NSMCE2: variants seen among roughly 807,000 people sequenced by gnomAD.
NSMCE2 encodes E3 SUMO-protein ligase NSE2.
In NSMCE2, 24 loss-of-function variants were observed where a neutral mutation model predicts 23.8. That is an observed-to-expected ratio of 1.01 (90% CI 0.73 to 1.42). The LOEUF (loss-of-function observed/expected upper bound fraction) is 1.42, where lower values mean the gene tolerates loss of function less well. NSMCE2 is among the 40% of genes most tolerant of loss of function. NSMCE2 has a pLI of 0.00. For missense variants in NSMCE2, 284 were observed against 296.5 expected, an observed-to-expected ratio of 0.96 and a Z score of 0.31; for synonymous variants, 92 against 94.1, an observed-to-expected ratio of 0.98 and a Z score of 0.13.
intron 3 of NSMCE2, among the ~76,000 whole-genome samples, chr8:125,103,039 C>T (rs180736811): frequency 9.9e-5 from 15 of 152,044 alleles, no homozygotes; most frequent in East Asian, 3.9e-4. Context: ...AGGCCGAGGC[C>T]GGCAGATCAC....
intron 5 of NSMCE2, among the ~76,000 whole-genome samples, chr8:125,257,413 G>A (rs1826480618): frequency 6.6e-6 from 1 of 151,096 alleles, no homozygotes; most frequent in South Asian, 2.1e-4. Context: ...TCAGAGAGTT[G>A]AAAAAGGGGG....
intron 5 of NSMCE2, among the ~76,000 whole-genome samples, chr8:125,294,097 A>G (rs879416666): frequency 2.6e-5 from 4 of 152,128 alleles, no homozygotes; most frequent in Non-Finnish European, 5.9e-5. Context: ...ACTTGGCATA[A>G]TGTTTTCAAG....
chr8:125,228,833 G>A (rs780539969), intron 5 of NSMCE2, among the ~76,000 whole-genome samples: 1 of 152,092 alleles, frequency 6.6e-6, no homozygotes, highest in Admixed American at 6.6e-5. Flanking sequence ...TTGAATTCAC[G>A]TTACAATCCT....
At chr8:125,334,700 G>C (rs1830006535) in intron 5 of NSMCE2, among the ~76,000 whole-genome samples, 1 of 151,556 alleles carries the variant, frequency 6.6e-6, no homozygotes, top group African/African-American at 2.4e-5. Flanking sequence ...GAGCTCAGAG[G>C]ATGACTTTGG....
chr8:125,362,742 G>A (rs1813612066), intron 7 of NSMCE2, among the ~76,000 whole-genome samples: 1 of 152,176 alleles, frequency 6.6e-6, no homozygotes, highest in Admixed American at 6.6e-5. Flanking sequence ...CCTTGGGAGG[G>A]CTATTTGGTT....
At chr8:125,189,142 A>G (rs1417670791) in intron 5 of NSMCE2, among the ~76,000 whole-genome samples, 1 of 152,258 alleles carries the variant, frequency 6.6e-6, no homozygotes, top group Non-Finnish European at 1.5e-5. Flanking sequence ...TGTCACGAAG[A>G]AAAGTCAGCA....
intron 5 of NSMCE2, among the ~76,000 whole-genome samples, chr8:125,261,566 T>A (rs796679712): frequency 4.6e-5 from 7 of 152,262 alleles, no homozygotes; most frequent in African/African-American, 1.7e-4. Context: ...GTATCTTGAA[T>A]TCTGGAAATT....
At chr8:125,176,839 C>T (rs989080574) in intron 4 of NSMCE2, among the ~76,000 whole-genome samples, 4 of 152,208 alleles carry the variant, frequency 2.6e-5, no homozygotes, top group African/African-American at 9.6e-5. Flanking sequence ...AGCTGAGTAA[C>T]AGCTTTCCTC....
rs552820742 is a variant in NSMCE2, at chr8:125,098,087, A to C, written c.-110-3964A>C. Reference sequence around the variant, plus strand: ...TTCAAAGTGTAATTCTTGGATCAGCAAAATCTACATTACCTGGAAATTTGT... The same window carrying C: ...TTCAAAGTGTAATTCTTGGATCAGCCAAATCTACATTACCTGGAAATTTGT... On this transcript the variant is annotated intron_variant, in intron 1 of 7. Coordinates refer to ENST00000287437, the MANE Select transcript of NSMCE2 (RefSeq NM_173685.4). 2.0e-5 allele frequency among the ~76,000 whole-genome samples: 3 copies of C among 152,306 alleles called. No homozygotes were observed. In the East Asian group the frequency reaches 5.8e-4, roughly 29 times the overall value.
chr8:125,154,056 A>C (rs1821179717), intron 4 of NSMCE2, among the ~76,000 whole-genome samples: 1 of 152,164 alleles, frequency 6.6e-6, no homozygotes. Flanking sequence ...TTTAAAAGGC[A>C]ATTAATGGGA....
At chr8:125,333,915 T>A (rs1466205799) in intron 5 of NSMCE2, among the ~76,000 whole-genome samples, 1 of 151,868 alleles carries the variant, frequency 6.6e-6, no homozygotes, top group African/African-American at 2.4e-5. Flanking sequence ...CCAAGATCAG[T>A]GGCATGCTGA....
intron 5 of NSMCE2, among the ~76,000 whole-genome samples, chr8:125,253,919 T>A (rs998631573): frequency 6.6e-6 from 1 of 152,136 alleles, no homozygotes; most frequent in Non-Finnish European, 1.5e-5. Flanking sequence ...CCAAAAAAAA[T>A]TTTTTGGCAG....
intron 5 of NSMCE2, among the ~76,000 whole-genome samples, chr8:125,224,565 TC>T (rs1438304899): frequency 1.3e-5 from 2 of 152,234 alleles, no homozygotes; most frequent in Non-Finnish European, 2.9e-5. Context: ...AGATGTTCTT[TC>T]CCCATTGTGT....
At chr8:125,198,000 G>C (rs1277234277) in intron 5 of NSMCE2, among the ~76,000 whole-genome samples, 1 of 152,122 alleles carries the variant, frequency 6.6e-6, no homozygotes, top group African/African-American at 2.4e-5. Flanking sequence ...TCTGTTATTG[G>C]TGTATAGGAA....
chr8:125,107,727 G>A (rs1230741318), intron 3 of NSMCE2, among the ~76,000 whole-genome samples: 2 of 152,130 alleles, frequency 1.3e-5, no homozygotes, highest in South Asian at 2.1e-4. Context: ...CAGACAAATA[G>A]CATCTTAAAA....
At chr8:125,138,609 G>A (rs964012058) in intron 3 of NSMCE2, among the ~76,000 whole-genome samples, 3 of 152,104 alleles carry the variant, frequency 2.0e-5, no homozygotes, top group Admixed American at 6.6e-5. Context: ...CATAGTCTTC[G>A]TTGTTTAACT....
intron 5 of NSMCE2, among the ~76,000 whole-genome samples, chr8:125,238,451 G>T (rs1340466244): frequency 1.3e-5 from 2 of 152,158 alleles, no homozygotes; most frequent in African/African-American, 4.8e-5. Flanking sequence ...TGCCAAGAAG[G>T]ATATCAGCAC....
chr8:125,306,365 A>G (rs1352835724), intron 5 of NSMCE2, among the ~76,000 whole-genome samples: 1 of 151,576 alleles, frequency 6.6e-6, no homozygotes, highest in African/African-American at 2.4e-5. Flanking sequence ...ATATTAAAAA[A>G]AAAAAACTGA....
chr8:125,214,430 A>G (rs1310306599), intron 5 of NSMCE2, among the ~76,000 whole-genome samples: 2 of 152,200 alleles, frequency 1.3e-5, no homozygotes, highest in Non-Finnish European at 2.9e-5. Flanking sequence ...TTGGCAGGCA[A>G]GGAGGCTGAG....
Sources: gnomAD v4.1 joint callset for allele counts (sites outside exome capture counted in the v4.1 genomes callset) on GRCh38, gnomAD v4.1.1 for gene constraint, MANE v1.5 for transcripts, NCBI Gene and HGNC (gene_info 2026-07-23, HGNC 2026-07-21) for gene names.